Variants in XIRP2 observed in about 807,000 individuals in gnomAD.
XIRP2 encodes xin actin-binding repeat-containing protein 2.
In XIRP2, 236 loss-of-function variants were observed where a neutral mutation model predicts 277.0. The observed-to-expected ratio is 0.85, with a 90% CI of 0.77 to 0.95. XIRP2 has a LOEUF of 0.95. Ranked by LOEUF, XIRP2 falls within the 40% of genes least tolerant of loss-of-function variation. The pLI is 0.00. For missense variants in XIRP2, 4,640 were observed against 4,157.5 expected (o/e 1.12, Z -3.19); for synonymous variants, 1,490 against 1,416.5 (o/e 1.05, Z -1.17).
chr2:167,072,639 G>A (rs1689464924), intron 2 of XIRP2, among the ~76,000 whole-genome samples: 1 of 152,102 alleles, frequency 6.6e-6, no homozygotes, highest in African/African-American at 2.4e-5. Flanking sequence ...TGAACTCTAT[G>A]TTCTCTCAAA....
chr2:167,248,224 C>T lies in XIRP2; in HGVS notation c.6832C>T (p.Pro2278Ser). ...ERSLNPINFNPENNVKESECP... is the reference protein window; with the variant it reads ...ERSLNPINFNSENNVKESECP... Reference sequence around the variant, plus strand: ...GTCCTTGAATCCAATCAACTTTAACCCTGAGAATAATGTAAAAGAAAGTGA... The same window carrying T: ...GTCCTTGAATCCAATCAACTTTAACTCTGAGAATAATGTAAAAGAAAGTGA... Residue 2278 changes from proline to serine, a missense_variant, in exon 9 of 11, where the codon CCT becomes TCT. Pro to Ser is a moderately conservative substitution (Grantham distance 74). Transcript: ENST00000409195. 2 of 1,613,618 alleles carry T rather than the reference C, an allele frequency of 1.2e-6. No individual in the cohort carries two copies. Among genetic ancestry groups the T allele is most frequent in the Non-Finnish European group, 1.7e-6 (2 of 1,179,756 alleles).
chr2:167,016,943 GGTGAA>G (rs1387053312), intron 2 of XIRP2, among the ~76,000 whole-genome samples: 1 of 151,928 alleles, frequency 6.6e-6, no homozygotes, highest in Non-Finnish European at 1.5e-5. Flanking sequence ...AAGTAAGACA[GGTGAA>G]GTATGGCCTT....
Position 167,244,802 on chromosome 2 carries a change from A to G in XIRP2, c.3410A>G (p.Asp1137Gly), listed in dbSNP as rs1466976735. The change falls in exon 9 of 11, where the codon GAT becomes GGT. Residue 1137 changes from aspartate to glycine, a missense_variant. Coordinates refer to ENST00000409195, the MANE Select transcript of XIRP2 (RefSeq NM_152381.6). ...CTWLFETQPLDTIKDDSETAV... is the reference protein window; with the variant it reads ...CTWLFETQPLGTIKDDSETAV... ...TGGCTCTTTGAAACTCAGCCACTTG[A>G]TACCATAAAAGATGACTCTGAAACA... The G allele has an allele frequency of 6.2e-7, 1 of 1,613,738 alleles. No homozygotes were observed.
At chr2:167,056,270 T>C (rs1689034384) in intron 2 of XIRP2, among the ~76,000 whole-genome samples, 1 of 152,168 alleles carries the variant, frequency 6.6e-6, no homozygotes, top group South Asian at 2.1e-4. Context: ...TCTGAAAGCC[T>C]GAAGTTATAA....
intron 3 of XIRP2, among the ~76,000 whole-genome samples, chr2:167,170,272 T>C (rs1692646749): frequency 6.6e-6 from 1 of 152,170 alleles, no homozygotes; most frequent in Admixed American, 6.5e-5. Context: ...CTCTTTCTTT[T>C]AATTCCCTTG....
chr2:167,216,914 A>C lies in XIRP2; in HGVS notation c.724-1252A>C, dbSNP rs1461183856. Among the ~76,000 whole-genome samples, 2 of 128,386 alleles carry C rather than the reference A, an allele frequency of 1.6e-5. 1 individual carries two copies. The highest frequency in any genetic ancestry group is 3.1e-5 in the Non-Finnish European group (2 of 65,054). The allele number at this position is 128,386 out of a possible 152,430, so 84.2% of individuals were successfully genotyped here. ...TCCAACAATGATAGACTGGATTAAG[A>C]AAATGTGGCACACATACACCATGGA... On this transcript the variant is annotated intron_variant, in intron 4 of 10. Coordinates refer to ENST00000409195, the MANE Select transcript of XIRP2 (RefSeq NM_152381.6).
chr2:167,136,070 TA>T lies in XIRP2; in HGVS notation c.562+10del. The T allele has an allele frequency of 6.3e-7, 1 of 1,589,822 alleles. No individual in the cohort carries two copies. Among genetic ancestry groups the T allele is most frequent in the Non-Finnish European group, 8.5e-7 (1 of 1,170,598 alleles). On this transcript the variant is annotated intron_variant, in intron 3 of 10. Coordinates refer to ENST00000409195, the MANE Select transcript of XIRP2 (RefSeq NM_152381.6). ...ACAGCCGCATCTTTGAAGGTTAGCATAACATTTTGATATGCTTTCTTGACAT... is the reference window on the plus strand; with the variant it reads ...ACAGCCGCATCTTTGAAGGTTAGCATACATTTTGATATGCTTTCTTGACAT...
intron 3 of XIRP2, chr2:167,187,380 C>T (rs1693187456): frequency 4.1e-6 from 4 of 985,362 alleles, no homozygotes; most frequent in Non-Finnish European, 4.8e-6. Flanking sequence ...TTGATAGACC[C>T]TTCAGTGGAG....
chr2:167,244,407 G>C lies in XIRP2; in HGVS notation c.3015G>C (p.Gln1005His), dbSNP rs945568589. 3 of 1,613,750 alleles carry C rather than the reference G, an allele frequency of 1.9e-6. No individual in the cohort carries two copies. The African/African-American group carries it at 4.0e-5, about 22-fold the overall frequency. The change falls in exon 9 of 11, where the codon CAG becomes CAC. Residue 1005 changes from glutamine (Q) to histidine (H), a missense_variant. Transcript: ENST00000409195. ...LGKYHQVKTVQQEEIVRGDVR... is the reference protein window; with the variant it reads ...LGKYHQVKTVHQEEIVRGDVR... ...AATATCATCAAGTAAAGACAGTCCAGCAAGAAGAAATCGTAAGAGGTGATG... is the reference window on the plus strand; with the variant it reads ...AATATCATCAAGTAAAGACAGTCCACCAAGAAGAAATCGTAAGAGGTGATG...
chr2:167,220,154 A>G (rs57877625), intron 5 of XIRP2, among the ~76,000 whole-genome samples: 11,740 of 152,072 alleles, frequency 0.077, 568 homozygotes, highest in East Asian at 0.19. Context: ...AATGCAACAA[A>G]TCCTTCCTTC....
chr2:167,148,277 G>A (rs1691914109), intron 3 of XIRP2, among the ~76,000 whole-genome samples: 1 of 151,730 alleles, frequency 6.6e-6, no homozygotes, highest in Non-Finnish European at 1.5e-5. Context: ...AGCTACATGG[G>A]AAGCTGAGGC....
chr2:167,223,703 G>A lies in XIRP2; in HGVS notation c.858+5403G>A, dbSNP rs985249855. On this transcript the variant is annotated intron_variant, in intron 5 of 10. Coordinates refer to ENST00000409195, the MANE Select transcript of XIRP2 (RefSeq NM_152381.6). ...GCCACGTACATAATTCTTCAAGGTC[G>A]TAGATTGCTATTATCAGCCCCAACC... Among the ~76,000 whole-genome samples, 7 of 152,138 alleles carry A rather than the reference G, an allele frequency of 4.6e-5. No individual in the cohort carries two copies. The East Asian group carries it at 9.6e-4, about 21-fold the overall frequency.
chr2:167,166,344 T>C (rs1351051589), intron 3 of XIRP2, among the ~76,000 whole-genome samples: 1 of 152,192 alleles, frequency 6.6e-6, no homozygotes, highest in Non-Finnish European at 1.5e-5. Context: ...TTCTATTCTT[T>C]TAAATTTAGA....
intron 2 of XIRP2, among the ~76,000 whole-genome samples, chr2:166,927,584 T>G (rs916836396): frequency 6.6e-6 from 1 of 152,184 alleles, no homozygotes; most frequent in Non-Finnish European, 1.5e-5. Context: ...AACATGACTC[T>G]GACCCCCGCT....
At chr2:167,170,663 A>G (rs1473035810) in intron 3 of XIRP2, among the ~76,000 whole-genome samples, 1 of 152,080 alleles carries the variant, frequency 6.6e-6, no homozygotes, top group Non-Finnish European at 1.5e-5. Context: ...TCAATATTTC[A>G]GTCCTACTAC....
intron 2 of XIRP2, among the ~76,000 whole-genome samples, chr2:167,050,880 T>C (rs1007934542): frequency 6.6e-6 from 1 of 151,892 alleles, no homozygotes; most frequent in African/African-American, 2.4e-5. Context: ...TGAAGATGCA[T>C]AGCGCCTACT....
intron 3 of XIRP2, chr2:167,141,080 T>C (rs1691704282): frequency 1.3e-5 from 2 of 152,310 alleles, no homozygotes; most frequent in South Asian, 2.1e-4. Flanking sequence ...TTGCACGCGG[T>C]CATATTTAAT....
chr2:167,234,081 T>C (rs1459783393), intron 5 of XIRP2, among the ~76,000 whole-genome samples: 1 of 151,642 alleles, frequency 6.6e-6, no homozygotes, highest in Non-Finnish European at 1.5e-5. Flanking sequence ...ATAATACTTT[T>C]AGAGCAGGAG....
Position 167,250,740 on chromosome 2 carries a change from A to G in XIRP2, c.9348A>G (p.Thr3116=), listed in dbSNP as rs768366660. The G allele has an allele frequency of 6.2e-7, 1 of 1,613,470 alleles. No homozygotes were observed. Among genetic ancestry groups the G allele is most frequent in the South Asian group, 1.1e-5 (1 of 91,058 alleles). ...DSNIPPPSLK[T]RPPSPTFITI... is the part of the protein sequence containing the mutation. ...ACATTCCTCCTCCCTCTTTAAAAAC[A>G]CGCCCACCGTCACCAACTTTTATCA... The change falls in exon 9 of 11, where the codon ACA becomes ACG. Residue 3116 remains threonine, a synonymous_variant. Coordinates refer to ENST00000409195, the MANE Select transcript of XIRP2 (RefSeq NM_152381.6).
Sources: gnomAD v4.1 joint callset for allele counts (sites outside exome capture counted in the v4.1 genomes callset) on GRCh38, gnomAD v4.1.1 for gene constraint, MANE v1.5 for transcripts, NCBI Gene and HGNC (gene_info 2026-07-23, HGNC 2026-07-21) for gene names.